CORO2B: variants seen among roughly 807,000 people sequenced by gnomAD.
CORO2B encodes coronin-2B.
CORO2B carries 26 observed loss-of-function variants against 58.8 expected under a neutral mutation model. That is an observed-to-expected ratio of 0.44 (90% confidence interval 0.32 to 0.61). The LOEUF (loss-of-function observed/expected upper bound fraction) is 0.61, where lower values mean the gene tolerates loss of function less well. Ranked by LOEUF, CORO2B falls within the 20% of genes least tolerant of loss-of-function variation. The probability of loss-of-function intolerance (pLI) is 0.04; values close to 1 mark genes in which losing one functional copy is unlikely to be tolerated. For missense variants in CORO2B, 460 were observed against 645.1 expected, an observed-to-expected ratio of 0.71 and a Z score of 3.11; for synonymous variants, 242 against 253.8, an observed-to-expected ratio of 0.95 and a Z score of 0.44.
At chr15:68,596,069 T>A (rs1289639248) in intron 1 of CORO2B, among the ~76,000 whole-genome samples, 1 of 150,908 alleles carries the variant, frequency 6.6e-6, no homozygotes, top group African/African-American at 2.4e-5. Context: ...TGCGGGGAGG[T>A]GGGAGTTGTG....
intron 1 of CORO2B, among the ~76,000 whole-genome samples, chr15:68,606,209 G>A (rs772852902): frequency 6.6e-6 from 1 of 152,214 alleles, no homozygotes; most frequent in Non-Finnish European, 1.5e-5. Context: ...TAGACCAGGA[G>A]TGGGAATTTT....
intron 1 of CORO2B, among the ~76,000 whole-genome samples, chr15:68,593,521 T>A (rs1899754411): frequency 6.6e-6 from 1 of 152,212 alleles, no homozygotes; most frequent in African/African-American, 2.4e-5. Context: ...ATCTGGAGCC[T>A]CGTTCTCTAG....
At chr15:68,688,021 T>C (rs1385509778) in intron 2 of CORO2B, among the ~76,000 whole-genome samples, 1 of 152,206 alleles carries the variant, frequency 6.6e-6, no homozygotes, top group Non-Finnish European at 1.5e-5. Flanking sequence ...AGACCATCCA[T>C]TGGTAACAAG....
At chr15:68,679,714 T>C (rs1170771610) in intron 2 of CORO2B, among the ~76,000 whole-genome samples, 1 of 152,106 alleles carries the variant, frequency 6.6e-6, no homozygotes. Context: ...CGGAGTGCAA[T>C]ATGTTCCTTC....
the CORO2B span, among the ~76,000 whole-genome samples, chr15:68,526,330 T>A: frequency 2.0e-5 from 3 of 152,348 alleles, no homozygotes; most frequent in Admixed American, 2.0e-4. Context: ...TTTAAGTTTA[T>A]AAGAAATTTC....
chr15:68,662,150 G>T (rs376411405), intron 2 of CORO2B, among the ~76,000 whole-genome samples: 2 of 152,124 alleles, frequency 1.3e-5, no homozygotes, highest in South Asian at 2.1e-4. Flanking sequence ...CTGTTATCAC[G>T]ACATTTTATG....
At position 68,579,097 on chromosome 15, in the gene CORO2B, C is replaced by G. The variant is rs1249240567; in HGVS notation, c.-166C>G. The G allele has an allele frequency of 1.0e-6, 1 of 982,912 alleles. No individual in the cohort carries two copies. The highest frequency in any genetic ancestry group is 1.1e-4 in the East Asian group (1 of 8,710). 60.9% of individuals were successfully genotyped at this position (982,912 alleles called of 1,614,324 possible). A position where few individuals can be genotyped will look rare whatever the true frequency, so the allele number is the denominator to read the frequency against. ...GCGGGCGAGCGCCGACGAGCGGTCC[C>G]TGCGCGCTGCCCGCCCGGAGCGCAG... On this transcript the variant is annotated 5_prime_UTR_variant, in exon 1 of 12. Transcript: ENST00000261861.
rs540847717 is a variant in CORO2B, at chr15:68,641,224, C to T, written c.16-3936C>T. 7.2e-5 allele frequency among the ~76,000 whole-genome samples: 11 copies of T among 152,312 alleles called. No individual in the cohort carries two copies. In the South Asian group the frequency reaches 1.0e-3, roughly 14 times the overall value. The stretch of plus-strand genomic sequence containing the variant: ...TGCCCAGGCCCATCCCCGGGGAACA[C>T]GCTGAGTGGGAGAACATGCCTGCTC... On this transcript the variant is annotated intron_variant, in intron 1 of 11. Coordinates refer to ENST00000261861, the MANE Select transcript of CORO2B (RefSeq NM_006091.5).
chr15:68,652,741 TCTC>T (rs1467015130), intron 2 of CORO2B, among the ~76,000 whole-genome samples: 2 of 152,278 alleles, frequency 1.3e-5, no homozygotes, highest in African/African-American at 4.8e-5. Context: ...GTATACTCAT[TCTC>T]CTCGTTTTAC....
chr15:68,668,938 C>T (rs151209443), intron 2 of CORO2B, among the ~76,000 whole-genome samples: 5 of 152,112 alleles, frequency 3.3e-5, no homozygotes, highest in East Asian at 3.9e-4. Flanking sequence ...ATTAGCTGGG[C>T]GTGGTGGCAT....
chr15:68,684,490 A>G (rs960744191), intron 2 of CORO2B, among the ~76,000 whole-genome samples: 1 of 152,142 alleles, frequency 6.6e-6, no homozygotes, highest in Admixed American at 6.5e-5. Flanking sequence ...TGGCACGTAC[A>G]TATGTGTGTG....
At chr15:68,549,953 A>AAAATAAATAAAT in the CORO2B span, among the ~76,000 whole-genome samples, 61,672 of 144,272 alleles carry the variant, frequency 0.43, 14,327 homozygotes, top group East Asian at 0.59. Context: ...AAAATAAAAT[A>AAAATAAATAAAT]AAATAAATAA....
At chr15:68,699,491 G>A (rs904035699) in intron 3 of CORO2B, among the ~76,000 whole-genome samples, 4 of 151,866 alleles carry the variant, frequency 2.6e-5, no homozygotes, top group Non-Finnish European at 4.4e-5. Context: ...GAAGGGACAC[G>A]GGCTTGGGGC....
Position 68,673,273 on chromosome 15 carries a change from C to T in CORO2B, c.217-21867C>T, listed in dbSNP as rs189276871. On this transcript the variant is annotated intron_variant, in intron 2 of 11. Transcript: ENST00000261861. ...AGAGGAGGTCGGGCACAATGGCTCACGTCTATGATACCAGCATTTTGGAAG... is the reference window on the plus strand; with the variant it reads ...AGAGGAGGTCGGGCACAATGGCTCATGTCTATGATACCAGCATTTTGGAAG... Among the ~76,000 whole-genome samples, 11 of 152,198 alleles carry T rather than the reference C, an allele frequency of 7.2e-5. No homozygotes were observed. The East Asian group carries it at 9.7e-4, about 13-fold the overall frequency.
At chr15:68,682,059 C>T (rs1048798445) in intron 2 of CORO2B, among the ~76,000 whole-genome samples, 76 of 152,138 alleles carry the variant, frequency 5.0e-4, no homozygotes, top group African/African-American at 1.8e-3. Flanking sequence ...TGCCCCGTCC[C>T]TGGATAGCAG....
chr15:68,599,241 A>G (rs1467752360), intron 1 of CORO2B, among the ~76,000 whole-genome samples: 1 of 152,168 alleles, frequency 6.6e-6, no homozygotes, highest in Non-Finnish European at 1.5e-5. Flanking sequence ...CCTTGCTCCA[A>G]ACTCTATCCT....
intron 1 of CORO2B, among the ~76,000 whole-genome samples, chr15:68,610,459 C>A (rs958199130): frequency 1.3e-5 from 2 of 152,062 alleles, no homozygotes; most frequent in Non-Finnish European, 2.9e-5. Context: ...TCCCTGATCT[C>A]CAGACCCCCT....
At chr15:68,575,577 G>GGGGGGGCCCCCCC (rs1899265461), upstream of CORO2B, among the ~76,000 whole-genome samples, 1 of 38,752 alleles carries the variant, frequency 2.6e-5, no homozygotes, top group Non-Finnish European at 5.7e-5. Flanking sequence ...CTTGTGATCT[G>GGGGGGGCCCCCCC]CCCCCGCCTC....
chr15:68,693,042 C>G (rs1892421557), intron 2 of CORO2B, among the ~76,000 whole-genome samples: 2 of 152,306 alleles, frequency 1.3e-5, no homozygotes, highest in South Asian at 4.1e-4. Context: ...GATATCAACG[C>G]TCTCCAAATC....
Sources: allele counts gnomAD v4.1 joint callset (sites outside exome capture counted in the v4.1 genomes callset), GRCh38; gene constraint gnomAD v4.1.1; transcripts MANE v1.5; gene names NCBI Gene and HGNC (gene_info 2026-07-23, HGNC 2026-07-21).